ITPRID1: variants seen among roughly 807,000 people sequenced by gnomAD.
The protein encoded by ITPRID1 is protein ITPRID1.
ITPRID1 carries 96 observed loss-of-function variants against 95.4 expected under a neutral mutation model. That is an observed-to-expected ratio of 1.01 (90% CI 0.85 to 1.19). The LOEUF (loss-of-function observed/expected upper bound fraction) is 1.19. Ranked by LOEUF, ITPRID1 falls within the 50% of genes most tolerant of loss-of-function variation. The pLI is 0.00. For missense variants in ITPRID1, 1,339 were observed against 1,252.9 expected, an observed-to-expected ratio of 1.07 and a Z score of -1.04; for synonymous variants, 510 against 453.6, an observed-to-expected ratio of 1.12 and a Z score of -1.58.
intron 1 of ITPRID1, among the ~76,000 whole-genome samples, chr7:31,545,517 C>T (rs1396500727): frequency 6.6e-6 from 1 of 152,034 alleles, no homozygotes; most frequent in South Asian, 2.1e-4. Context: ...TCAGTTTATC[C>T]AACTTTATCA....
intron 7 of ITPRID1, among the ~76,000 whole-genome samples, 192 bp downstream of exon 7, chr7:31,572,380 T>A (rs1294027120): frequency 2.0e-5 from 3 of 151,992 alleles, no homozygotes; most frequent in Non-Finnish European, 4.4e-5. Flanking sequence ...TAAATATCTG[T>A]CAATGGGGAA....
intron 10 of ITPRID1, among the ~76,000 whole-genome samples, chr7:31,605,382 A>G (rs1383695466): frequency 1.3e-5 from 2 of 152,202 alleles, no homozygotes; most frequent in Non-Finnish European, 2.9e-5. Flanking sequence ...AAGTGCTAGT[A>G]TAAAACAATT....
At chr7:31,640,470 G>A (rs1314721943) in intron 10 of ITPRID1, among the ~76,000 whole-genome samples, 1 of 152,154 alleles carries the variant, frequency 6.6e-6, no homozygotes, top group Non-Finnish European at 1.5e-5. Context: ...TCCTAGCTCT[G>A]TTTCCTCAGC....
intron 10 of ITPRID1, among the ~76,000 whole-genome samples, chr7:31,624,896 A>T (rs1048966506): frequency 2.0e-5 from 3 of 152,224 alleles, no homozygotes; most frequent in Non-Finnish European, 4.4e-5. Flanking sequence ...TAATATCCAG[A>T]ATCTACAATG....
At chr7:31,526,131 A>G (rs561683115) in intron 1 of ITPRID1, among the ~76,000 whole-genome samples, 1 of 152,318 alleles carries the variant, frequency 6.6e-6, no homozygotes, top group East Asian at 1.9e-4. Flanking sequence ...AACCACACTA[A>G]ATCTTCTACT....
intron 1 of ITPRID1, 62 bp from the exon 2 acceptor site, chr7:31,549,364 T>G (rs1310271573): frequency 2.4e-6 from 3 of 1,227,310 alleles, no homozygotes; most frequent in Non-Finnish European, 3.2e-6. Context: ...ACTAACAGGG[T>G]CAAGTTTATT....
In ITPRID1 at chr7:31,612,396, TTCTC is replaced by T. The variant is rs544706893; in HGVS notation, c.1228+29206_1228+29209del. On this transcript the variant is annotated intron_variant, in intron 10 of 14. Coordinates refer to ENST00000615280, the MANE Select transcript of ITPRID1 (RefSeq NM_001257967.3). ...TGTTTTTGTGTGTGTGGGTCATTCT[TTCTC>T]ATTTCTTTGTGTGTCTTGTGATGGT... is the stretch of plus-strand genomic sequence containing the variant. Among the ~76,000 whole-genome samples, 10 of 152,152 alleles carry T rather than the reference TTCTC, an allele frequency of 6.6e-5. No individual in the cohort carries two copies. The South Asian group carries it at 2.1e-3, about 32-fold the overall frequency.
intron 5 of ITPRID1, among the ~76,000 whole-genome samples, chr7:31,560,844 G>T (rs1784599157): frequency 6.6e-6 from 1 of 152,182 alleles, no homozygotes; most frequent in Non-Finnish European, 1.5e-5. Context: ...TCAGAGGAAA[G>T]GTCCGGGAAT....
chr7:31,564,562 C>T (rs559985842), intron 5 of ITPRID1, among the ~76,000 whole-genome samples: 29 of 152,142 alleles, frequency 1.9e-4, no homozygotes, highest in African/African-American at 6.7e-4. Flanking sequence ...CCCTAGCGAG[C>T]GGTCTTGTGT....
chr7:31,515,154 GA>G (rs1242264994), intron 1 of ITPRID1, among the ~76,000 whole-genome samples: 1 of 151,938 alleles, frequency 6.6e-6, no homozygotes, highest in Non-Finnish European at 1.5e-5. Context: ...GAGTTTGGAG[GA>G]AAAGTTTTGC....
chr7:31,563,846 C>A (rs748078574), intron 5 of ITPRID1, among the ~76,000 whole-genome samples: 4 of 152,060 alleles, frequency 2.6e-5, no homozygotes, highest in Non-Finnish European at 4.4e-5. Context: ...TTCCAATGGG[C>A]TTTAAGGTTT....
At chr7:31,645,713 T>C (rs1043256300) in intron 12 of ITPRID1, among the ~76,000 whole-genome samples, 2 of 152,158 alleles carry the variant, frequency 1.3e-5, no homozygotes, top group Non-Finnish European at 2.9e-5. Context: ...AACTCCCAGA[T>C]GACATTTCGT....
At chr7:31,596,799 C>T (rs1279288365) in intron 10 of ITPRID1, among the ~76,000 whole-genome samples, 2 of 151,458 alleles carry the variant, frequency 1.3e-5, no homozygotes, top group Non-Finnish European at 3.0e-5. Context: ...TTTTAAAGCT[C>T]AGCATAAAAT....
intron 2 of ITPRID1, 93 bp from the exon 3 acceptor site, chr7:31,552,909 G>T: frequency 8.0e-7 from 1 of 1,255,836 alleles, no homozygotes; most frequent in Non-Finnish European, 1.1e-6. Context: ...TCATCTGACT[G>T]TAGGCATTCT....
chr7:31,577,682 G>A (rs527444602), intron 8 of ITPRID1, among the ~76,000 whole-genome samples, 181 bp from the exon 9 acceptor site: 3 of 152,200 alleles, frequency 2.0e-5, no homozygotes, highest in South Asian at 4.1e-4. Flanking sequence ...ATCTCATTAC[G>A]TAGGGAAATC....
intron 10 of ITPRID1, among the ~76,000 whole-genome samples, chr7:31,623,116 C>T (rs1788081156): frequency 1.3e-5 from 2 of 152,142 alleles, no homozygotes; most frequent in South Asian, 2.1e-4. Context: ...TAATCAGTAG[C>T]TTACCAACCA....
chr7:31,543,904 A>T (rs1174590276), intron 1 of ITPRID1, among the ~76,000 whole-genome samples: 2 of 152,050 alleles, frequency 1.3e-5, no homozygotes, highest in African/African-American at 4.8e-5. Context: ...TTTGCATTGT[A>T]CATTTAGGTC....
rs564705307 is a variant in ITPRID1, at chr7:31,568,289, G to A, written c.257-1469G>A. The stretch of plus-strand genomic sequence containing the variant: ...CCACTCCCAAAATTTGGCATTTAGA[G>A]ACAAATTCACAGGTACCTGTCGTCT... On this transcript the variant is annotated intron_variant, in intron 5 of 14. Transcript: ENST00000615280. 1.6e-4 allele frequency among the ~76,000 whole-genome samples: 24 copies of A among 152,222 alleles called. No homozygotes were observed. The South Asian group carries it at 5.0e-3, about 32-fold the overall frequency.
At chr7:31,532,777 G>A (rs1213583994) in intron 1 of ITPRID1, among the ~76,000 whole-genome samples, 1 of 152,206 alleles carries the variant, frequency 6.6e-6, no homozygotes, top group East Asian at 1.9e-4. Context: ...GGCCAAGCAA[G>A]TTGGCCACTT....
Sources: allele counts gnomAD v4.1 joint callset (sites outside exome capture counted in the v4.1 genomes callset), GRCh38; gene constraint gnomAD v4.1.1; transcripts MANE v1.5; gene names NCBI Gene and HGNC (gene_info 2026-07-23, HGNC 2026-07-21).